Variants in CALN1 observed in about 807,000 individuals in gnomAD.
The protein encoded by CALN1 is calcium-binding protein 8.
CALN1 carries 17 observed loss-of-function variants against 30.6 expected under a neutral mutation model. The ratio of observed to expected loss-of-function variants is 0.56; its 90% CI spans 0.38 to 0.83. The LOEUF is 0.83. Among genes scored for constraint, CALN1 ranks in the 40% least tolerant of loss-of-function variants. The pLI, the probability that CALN1 is intolerant of heterozygous loss-of-function variation, is 0.00. For missense variants in CALN1, 291 were observed against 354.9 expected, an observed-to-expected ratio of 0.82 and a Z score of 1.45; for synonymous variants, 156 against 131.4, an observed-to-expected ratio of 1.19 and a Z score of -1.28.
chr7:71,801,555 G>T (rs553918908), intron 6 of CALN1, among the ~76,000 whole-genome samples: 15 of 152,104 alleles, frequency 9.9e-5, no homozygotes, highest in African/African-American at 3.1e-4. Flanking sequence ...ACTTCACTTT[G>T]TGGAGCCTCA....
At chr7:71,912,413 G>A (rs1409923740) in intron 5 of CALN1, among the ~76,000 whole-genome samples, 2 of 152,108 alleles carry the variant, frequency 1.3e-5, no homozygotes, top group Non-Finnish European at 2.9e-5. Flanking sequence ...TTCCAATGCA[G>A]TTTTCCTGTT....
chr7:72,287,339 T>G (rs1199475105), intron 2 of CALN1, among the ~76,000 whole-genome samples: 4 of 151,908 alleles, frequency 2.6e-5, no homozygotes, highest in Non-Finnish European at 4.4e-5. Flanking sequence ...TTTACATAAA[T>G]GATATTACAC....
chr7:71,807,841 C>T (rs143428853), intron 6 of CALN1, among the ~76,000 whole-genome samples: 3,164 of 152,074 alleles, frequency 0.021, 119 homozygotes, highest in African/African-American at 0.073. Flanking sequence ...TTTGGGAGGC[C>T]GAGGTGGGCG....
At chr7:72,196,320 T>G (rs999301425) in intron 3 of CALN1, among the ~76,000 whole-genome samples, 3 of 152,176 alleles carry the variant, frequency 2.0e-5, no homozygotes, top group Non-Finnish European at 4.4e-5. Context: ...GGTTTCGCCA[T>G]GTTGCCCAGG....
chr7:72,352,387 T>TTAAAA (rs1212665946), intron 2 of CALN1, among the ~76,000 whole-genome samples: 3 of 24,228 alleles, frequency 1.2e-4, no homozygotes, highest in African/African-American at 7.3e-4. Context: ...AGACTCTGTC[T>TTAAAA]CAAAAAAAAA....
chr7:72,404,115 A>ACAACTCAGCT (rs1806537273), intron 1 of CALN1, among the ~76,000 whole-genome samples: 1 of 152,138 alleles, frequency 6.6e-6, no homozygotes, highest in South Asian at 2.1e-4. Flanking sequence ...CTTGTCCCTT[A>ACAACTCAGCT]CAACTCAGCT....
At chr7:72,108,870 T>A (rs1391765551) in intron 3 of CALN1, among the ~76,000 whole-genome samples, 1 of 152,212 alleles carries the variant, frequency 6.6e-6, no homozygotes, top group Admixed American at 6.5e-5. Flanking sequence ...TGCATGGACT[T>A]GCCCATTGCA....
chr7:72,473,020 C>T, the CALN1 span, among the ~76,000 whole-genome samples: 1 of 152,132 alleles, frequency 6.6e-6, no homozygotes, highest in East Asian at 1.9e-4. Context: ...TGTACCATCT[C>T]CTGGGCCAGG....
chr7:71,981,452 C>T (rs1562953997), intron 5 of CALN1, among the ~76,000 whole-genome samples: 1 of 152,086 alleles, frequency 6.6e-6, no homozygotes. Context: ...GCGGAAGGAT[C>T]ACCTGAGGTC....
At chr7:72,011,147 G>T (rs1486897634) in intron 5 of CALN1, among the ~76,000 whole-genome samples, 2 of 146,136 alleles carry the variant, frequency 1.4e-5, no homozygotes, top group Non-Finnish European at 3.0e-5. Flanking sequence ...GTGAGATTCC[G>T]TCAAAAAAAA....
chr7:72,031,734 A>AGTTTTTTTTTTTTTTTTTTTTT (rs1562993226), intron 4 of CALN1, among the ~76,000 whole-genome samples: 1 of 114,684 alleles, frequency 8.7e-6, no homozygotes, highest in African/African-American at 3.4e-5. Flanking sequence ...CGCCTGGCTA[A>AGTTTTTTTTTTTTTTTTTTTTT]TTTTTTTTTT....
chr7:72,404,407 TA>T (rs1366933767), intron 1 of CALN1, among the ~76,000 whole-genome samples: 1 of 152,100 alleles, frequency 6.6e-6, no homozygotes, highest in Non-Finnish European at 1.5e-5. Flanking sequence ...TCATTGAAGG[TA>T]AAAACAAACA....
At chr7:72,077,842 G>A (rs987648997) in intron 4 of CALN1, among the ~76,000 whole-genome samples, 2 of 152,192 alleles carry the variant, frequency 1.3e-5, no homozygotes, top group Non-Finnish European at 2.9e-5. Flanking sequence ...TTTCCAGCAA[G>A]ATGCTTTCCT....
intron 5 of CALN1, among the ~76,000 whole-genome samples, chr7:71,854,196 C>G (rs1466014650): frequency 6.6e-6 from 1 of 151,936 alleles, no homozygotes; most frequent in Non-Finnish European, 1.5e-5. Context: ...GTGTGTGTTC[C>G]TGAAAATGAA....
chr7:71,922,703 GAATAT>G (rs932954147), intron 5 of CALN1, among the ~76,000 whole-genome samples: 71 of 126,942 alleles, frequency 5.6e-4, no homozygotes, highest in African/African-American at 1.7e-3. Flanking sequence ...ATAACATACA[GAATAT>G]ATTATATAAA....
chr7:72,227,317 A>G (rs1489090010), intron 3 of CALN1, among the ~76,000 whole-genome samples: 1 of 151,944 alleles, frequency 6.6e-6, no homozygotes, highest in South Asian at 2.1e-4. Flanking sequence ...AGGTAAGCAG[A>G]TAACTAAAGG....
intron 5 of CALN1, among the ~76,000 whole-genome samples, chr7:71,966,679 T>A (rs917611842): frequency 6.6e-6 from 1 of 152,176 alleles, no homozygotes; most frequent in Non-Finnish European, 1.5e-5. Context: ...AAGAGCCAAT[T>A]AAACCTCTCT....
intron 5 of CALN1, among the ~76,000 whole-genome samples, chr7:71,852,583 G>A (rs1242530136): frequency 6.6e-6 from 1 of 151,272 alleles, no homozygotes; most frequent in Non-Finnish European, 1.5e-5. Flanking sequence ...CTGGGTGACA[G>A]AACAAGAGAC....
chr7:72,217,672 C>T (rs1792933097), intron 3 of CALN1, among the ~76,000 whole-genome samples: 1 of 151,870 alleles, frequency 6.6e-6, no homozygotes, highest in African/African-American at 2.4e-5. Context: ...AACTGACAAA[C>T]TTGGTGACCT....
Sources: gnomAD v4.1 joint callset for allele counts (sites outside exome capture counted in the v4.1 genomes callset) on GRCh38, gnomAD v4.1.1 for gene constraint, MANE v1.5 for transcripts, NCBI Gene and HGNC (gene_info 2026-07-23, HGNC 2026-07-21) for gene names.